SELENOF: variants seen among roughly 807,000 people sequenced by gnomAD.
The protein encoded by SELENOF is 15 kDa selenoprotein.
Under a neutral mutation model 20.5 loss-of-function variants are expected in SELENOF, and 16 were observed. That is an observed-to-expected ratio of 0.78 (90% CI 0.53 to 1.19). The LOEUF (loss-of-function observed/expected upper bound fraction) is 1.19, where lower values mean the gene tolerates loss of function less well. SELENOF is among the 50% of genes most tolerant of loss of function. SELENOF has a pLI of 0.00. For missense variants in SELENOF, 215 were observed against 194.2 expected (o/e 1.11, Z -0.64); for synonymous variants, 78 against 74.5 (o/e 1.05, Z -0.24).
chr1:86,890,011 A>AT lies in SELENOF; in HGVS notation c.253-9287dup, dbSNP rs533891858. Among the ~76,000 whole-genome samples, 115 of 152,322 alleles carry AT rather than the reference A, an allele frequency of 7.5e-4. 1 individual carries two copies. The highest frequency in any genetic ancestry group is 2.6e-3 in the African/African-American group (110 of 41,578). ...CAAAAGTTATTAAAATACAAATCTG[A>AT]TACCAGTTTACTCTTTATAATCCTT... On this transcript the variant is annotated intron_variant, in intron 2 of 4. Transcript: ENST00000331835.
chr1:86,874,087 T>C (rs1658861158), intron 3 of SELENOF, among the ~76,000 whole-genome samples: 1 of 151,494 alleles, frequency 6.6e-6, no homozygotes, highest in Non-Finnish European at 1.5e-5. Flanking sequence ...TGTCATACTA[T>C]GTGGGTCACA....
chr1:86,910,696 C>T (rs1186590694), intron 1 of SELENOF, among the ~76,000 whole-genome samples: 1 of 133,778 alleles, frequency 7.5e-6, no homozygotes, highest in African/African-American at 3.2e-5. Context: ...GAGCAAGACT[C>T]CATATCAAAA....
rs537129747 is a variant in SELENOF, at chr1:86,864,127, TATAAGAGCAATGTTTTA to T, written c.367-539_367-523del. 1.5e-4 allele frequency among the ~76,000 whole-genome samples: 23 copies of T among 152,320 alleles called. No homozygotes were observed. In the South Asian group the frequency reaches 4.8e-3, roughly 32 times the overall value. ...TTCAAAATAGTTGAGAAAATGATGG[TATAAGAGCAATGTTTTA>T]AAATACGCTGTGCATATAAATTTGC... is the stretch of plus-strand genomic sequence containing the variant. On this transcript the variant is annotated intron_variant, in intron 4 of 4. Transcript: ENST00000331835.
chr1:86,867,475 G>A (rs1303504996), intron 4 of SELENOF, among the ~76,000 whole-genome samples: 1 of 149,930 alleles, frequency 6.7e-6, no homozygotes, highest in Non-Finnish European at 1.5e-5. Flanking sequence ...CTGGGCAACA[G>A]AGCAAGACTC....
chr1:86,907,901 G>A (rs1455318884), intron 1 of SELENOF, among the ~76,000 whole-genome samples: 3 of 151,684 alleles, frequency 2.0e-5, no homozygotes, highest in Non-Finnish European at 2.9e-5. Flanking sequence ...CAGGAGAATC[G>A]CTTGAACCCG....
chr1:86,878,219 CA>C, intron 3 of SELENOF, among the ~76,000 whole-genome samples: 1 of 152,058 alleles, frequency 6.6e-6, no homozygotes, highest in African/African-American at 2.4e-5. Flanking sequence ...TAAAACATAC[CA>C]AAATTTAAAT....
At chr1:86,886,220 G>C (rs557392) in intron 2 of SELENOF, among the ~76,000 whole-genome samples, 1 of 152,146 alleles carries the variant, frequency 6.6e-6, no homozygotes, top group African/African-American at 2.4e-5. Context: ...AGGATATCTA[G>C]GGGTGAGATC....
chr1:86,914,408 G>T (rs1557476548), upstream of SELENOF: 1 of 461,610 alleles, frequency 2.2e-6, no homozygotes, highest in Non-Finnish European at 4.0e-6. Context: ...GCCAGTTTTA[G>T]CCCCGCCTTC....
chr1:86,912,130 T>G (rs959740925), intron 1 of SELENOF, among the ~76,000 whole-genome samples: 1 of 152,152 alleles, frequency 6.6e-6, no homozygotes, highest in Non-Finnish European at 1.5e-5. Context: ...CCATTTAGAT[T>G]CTGAATACAG....
At position 86,880,678 on chromosome 1, in the gene SELENOF, C is replaced by T. The variant is rs1193871500; in HGVS notation, c.300G>A (p.Arg100=). 6.3e-7 allele frequency: 1 copy of T among 1,592,382 alleles called. No homozygotes were observed. Among genetic ancestry groups the T allele is most frequent in the South Asian group, 1.1e-5 (1 of 87,098 alleles). The change falls in exon 3 of 5, where the codon AGG becomes AGA. Residue 100 remains arginine, a synonymous_variant. Coordinates refer to ENST00000331835, the MANE Select transcript of SELENOF (RefSeq NM_004261.5). ...TTTATATACCTTGGACTTGAGGGAA[C>T]CTTCCCAATTTTCATCCACAAACTT... ...ILEVCGUKLG[R]FPQVQAFVRS...
intron 1 of SELENOF, among the ~76,000 whole-genome samples, chr1:86,909,333 G>A (rs957803697): frequency 6.6e-6 from 1 of 152,156 alleles, no homozygotes; most frequent in African/African-American, 2.4e-5. Flanking sequence ...GAAGAGACAT[G>A]AATAAACCTT....
chr1:86,882,715 G>T (rs1431900156), intron 2 of SELENOF, among the ~76,000 whole-genome samples: 1 of 152,182 alleles, frequency 6.6e-6, no homozygotes, highest in African/African-American at 2.4e-5. Flanking sequence ...CATGTTCACA[G>T]CAACATTATT....
chr1:86,867,963 G>T, intron 4 of SELENOF, 90 bp downstream of exon 4: 1 of 530,054 alleles, frequency 1.9e-6, no homozygotes, highest in Non-Finnish European at 3.2e-6. Flanking sequence ...ACATGTTTAT[G>T]GGGGAAACCA....
chr1:86,863,739 T>A (rs1023911427), intron 4 of SELENOF, 134 bp from the exon 5 acceptor site: 2 of 711,956 alleles, frequency 2.8e-6, no homozygotes, highest in African/African-American at 1.8e-5. Context: ...AATAAACAAG[T>A]CTTAAAGGAA....
rs576695912 is a variant in SELENOF, at chr1:86,874,578, T to TA, written c.316+6083dup. Reference sequence around the variant, plus strand: ...TTTTTAAAAAAGTATTAAGGAGTATTAAAAAAAAAACCCCAAAACCCAAAC... The same window carrying TA: ...TTTTTAAAAAAGTATTAAGGAGTATTAAAAAAAAAAACCCCAAAACCCAAAC... On this transcript the variant is annotated intron_variant, in intron 3 of 4. Coordinates refer to ENST00000331835, the MANE Select transcript of SELENOF (RefSeq NM_004261.5). 3.1e-3 allele frequency among the ~76,000 whole-genome samples: 450 copies of TA among 147,376 alleles called. 2 individuals carry two copies. Among genetic ancestry groups the TA allele is most frequent in the Non-Finnish European group, 4.5e-3 (299 of 66,462 alleles).
intron 4 of SELENOF, among the ~76,000 whole-genome samples, chr1:86,867,170 G>T (rs1045915663): frequency 3.9e-5 from 6 of 151,984 alleles, no homozygotes; most frequent in African/African-American, 1.2e-4. Context: ...TTCTGGAAAA[G>T]GCAAAATTAT....
chr1:86,867,895 AT>A (rs1165171699), intron 4 of SELENOF, among the ~76,000 whole-genome samples, 157 bp downstream of exon 4: 2 of 152,140 alleles, frequency 1.3e-5, no homozygotes, highest in Non-Finnish European at 2.9e-5. Context: ...AAGTCTATTA[AT>A]TTAAAAAAAT....
chr1:86,906,444 A>G (rs899095237), intron 1 of SELENOF, among the ~76,000 whole-genome samples: 3 of 152,214 alleles, frequency 2.0e-5, no homozygotes, highest in East Asian at 1.9e-4. Flanking sequence ...AGTGGGGTCT[A>G]TGTTCCCTCC....
intron 2 of SELENOF, among the ~76,000 whole-genome samples, chr1:86,900,278 T>C (rs1659658968): frequency 1.3e-5 from 2 of 152,006 alleles, no homozygotes; most frequent in Admixed American, 6.5e-5. Flanking sequence ...ATCACGCCAC[T>C]GCACTCCAGC....
Sources: allele counts gnomAD v4.1 joint callset (sites outside exome capture counted in the v4.1 genomes callset), GRCh38; gene constraint gnomAD v4.1.1; transcripts MANE v1.5; gene names NCBI Gene and HGNC (gene_info 2026-07-23, HGNC 2026-07-21).